Variants in ZNF804B observed in about 807,000 individuals in gnomAD.
The protein encoded by ZNF804B is zinc finger protein 804B.
ZNF804B carries 80 observed loss-of-function variants against 101.4 expected under a neutral mutation model. The observed-to-expected ratio is 0.79, with a 90% confidence interval of 0.66 to 0.95. The LOEUF (loss-of-function observed/expected upper bound fraction) is 0.95. Ranked by LOEUF, ZNF804B falls within the 40% of genes least tolerant of loss-of-function variation. The pLI is 0.00. For synonymous variants in ZNF804B, 622 were observed against 558.8 expected, an observed-to-expected ratio of 1.11 and a Z score of -1.59; for missense variants, 1,673 against 1,561.9, an observed-to-expected ratio of 1.07 and a Z score of -1.20.
chr7:88,794,414 G>T (rs780941076), intron 1 of ZNF804B: 1 of 1,613,692 alleles, frequency 6.2e-7, no homozygotes, highest in East Asian at 2.2e-5. Context: ...TTATGAGTTT[G>T]TGTGAGAAAA....
rs1491540820 is a variant in ZNF804B, at chr7:89,220,002, T to TAC, written c.249+1707_249+1708insAC. Among the ~76,000 whole-genome samples the TAC allele has an allele frequency of 2.4e-3, 67 of 27,580 alleles. 8 individuals are homozygous for TAC. Among genetic ancestry groups the TAC allele is most frequent in the African/African-American group, 6.7e-3 (52 of 7,714 alleles). The allele number at this position is 27,580 out of a possible 152,430, so 18.1% of individuals were successfully genotyped here. On this transcript the variant is annotated intron_variant, in intron 2 of 3. Coordinates refer to ENST00000333190, the MANE Select transcript of ZNF804B (RefSeq NM_181646.5). Reference sequence around the variant, plus strand: ...ATACATATGTGTGCATATATGTATATGCACATATATGTGTGTATACATATA... The same window carrying TAC: ...ATACATATGTGTGCATATATGTATATACGCACATATATGTGTGTATACATATA...
Position 89,189,911 on chromosome 7 carries a change from A to C in ZNF804B, c.109-28244A>C, listed in dbSNP as rs553464728. ...ACATTTCATAAATTTATAATGCCATAGATAGTGATTTCTTTGATGGATCCG... is the reference window on the plus strand; with the variant it reads ...ACATTTCATAAATTTATAATGCCATCGATAGTGATTTCTTTGATGGATCCG... On this transcript the variant is annotated intron_variant, in intron 1 of 3. Coordinates refer to ENST00000333190, the MANE Select transcript of ZNF804B (RefSeq NM_181646.5). Among the ~76,000 whole-genome samples the C allele has an allele frequency of 5.3e-5, 8 of 152,280 alleles. No homozygotes were observed. The East Asian group carries it at 1.4e-3, about 26-fold the overall frequency.
At chr7:88,890,488 A>C (rs1314404554) in intron 1 of ZNF804B, among the ~76,000 whole-genome samples, 2 of 152,132 alleles carry the variant, frequency 1.3e-5, no homozygotes, top group Non-Finnish European at 2.9e-5. Flanking sequence ...TTGCCTTCTC[A>C]CTATCCATGA....
At chr7:89,218,402 A>G in intron 2 of ZNF804B, 107 bp downstream of exon 2, 1 of 1,305,234 alleles carries the variant, frequency 7.7e-7, no homozygotes. Context: ...TGAGGTAAGA[A>G]CATTTTATGT....
chr7:89,189,029 TA>T (rs1788416116), intron 1 of ZNF804B, among the ~76,000 whole-genome samples: 1 of 152,130 alleles, frequency 6.6e-6, no homozygotes. Flanking sequence ...GAAGATACCA[TA>T]TACAACTTTC....
chr7:89,072,361 C>A (rs953624407), intron 1 of ZNF804B, among the ~76,000 whole-genome samples: 13 of 152,140 alleles, frequency 8.5e-5, no homozygotes, highest in African/African-American at 3.1e-4. Flanking sequence ...TTATTTTCCT[C>A]TTTTGGTTTC....
At chr7:89,251,616 C>A (rs1356647641) in intron 2 of ZNF804B, among the ~76,000 whole-genome samples, 4 of 151,994 alleles carry the variant, frequency 2.6e-5, no homozygotes, top group South Asian at 2.1e-4. Flanking sequence ...TCATATGGAA[C>A]CATAAAAAGC....
chr7:89,196,311 C>T (rs543291131), intron 1 of ZNF804B, among the ~76,000 whole-genome samples: 3 of 152,084 alleles, frequency 2.0e-5, no homozygotes, highest in East Asian at 3.9e-4. Flanking sequence ...ATAGAGAATT[C>T]GGAAATAAGA....
intron 1 of ZNF804B, among the ~76,000 whole-genome samples, chr7:88,804,322 G>T (rs1391276312): frequency 6.6e-6 from 1 of 152,066 alleles, no homozygotes; most frequent in Non-Finnish European, 1.5e-5. Context: ...AAACTAGCAT[G>T]CTGGGTTTCT....
chr7:89,003,073 G>A (rs1421029457), intron 1 of ZNF804B, among the ~76,000 whole-genome samples: 1 of 151,538 alleles, frequency 6.6e-6, no homozygotes, highest in Admixed American at 6.6e-5. Flanking sequence ...CAGAGGAAAG[G>A]GTTACGGTAA....
chr7:88,934,421 T>G (rs374906940), intron 1 of ZNF804B, among the ~76,000 whole-genome samples: 7 of 151,876 alleles, frequency 4.6e-5, no homozygotes, highest in African/African-American at 1.7e-4. Flanking sequence ...AATGAAAAAC[T>G]TTCTGCACAG....
chr7:89,240,635 A>G (rs566965584), intron 2 of ZNF804B, among the ~76,000 whole-genome samples: 1 of 151,938 alleles, frequency 6.6e-6, no homozygotes, highest in South Asian at 2.1e-4. Context: ...TCTTCATTTT[A>G]TATTTAGTGC....
chr7:89,009,149 G>A (rs996335924), intron 1 of ZNF804B, among the ~76,000 whole-genome samples: 3 of 152,092 alleles, frequency 2.0e-5, no homozygotes, highest in Non-Finnish European at 4.4e-5. Context: ...GAATTCTTCT[G>A]CAATTTTTGA....
At chr7:89,106,545 A>G (rs1216525824) in intron 1 of ZNF804B, among the ~76,000 whole-genome samples, 1 of 152,108 alleles carries the variant, frequency 6.6e-6, no homozygotes, top group African/African-American at 2.4e-5. Context: ...GATCTATTAC[A>G]CTTCTGAATG....
chr7:88,935,960 T>C (rs558826601), intron 1 of ZNF804B, among the ~76,000 whole-genome samples: 1 of 151,612 alleles, frequency 6.6e-6, no homozygotes, highest in African/African-American at 2.4e-5. Flanking sequence ...ATCTTTCTGT[T>C]TTCCGATTTT....
intron 1 of ZNF804B, among the ~76,000 whole-genome samples, chr7:89,199,184 A>G (rs910369432): frequency 1.3e-5 from 2 of 151,864 alleles, no homozygotes; most frequent in South Asian, 4.2e-4. Context: ...AATCCTTTTT[A>G]TTAGGCTTTG....
chr7:89,146,676 C>T (rs1325519156), intron 1 of ZNF804B, among the ~76,000 whole-genome samples: 1 of 151,808 alleles, frequency 6.6e-6, no homozygotes, highest in Non-Finnish European at 1.5e-5. Context: ...TTCTGTGGCT[C>T]AGTCGAATTA....
At chr7:89,031,852 A>G (rs1352506212) in intron 1 of ZNF804B, among the ~76,000 whole-genome samples, 1 of 152,086 alleles carries the variant, frequency 6.6e-6, no homozygotes, top group African/African-American at 2.4e-5. Context: ...GTAATAGGCA[A>G]CCTTTTCAAA....
intron 2 of ZNF804B, among the ~76,000 whole-genome samples, chr7:89,273,060 A>G (rs1285038464): frequency 1.3e-5 from 2 of 152,162 alleles, no homozygotes; most frequent in East Asian, 1.9e-4. Flanking sequence ...TTAAAAGACT[A>G]CTTCTCACAT....
Sources: gnomAD v4.1 joint callset for allele counts (sites outside exome capture counted in the v4.1 genomes callset) on GRCh38, gnomAD v4.1.1 for gene constraint, MANE v1.5 for transcripts, NCBI Gene and HGNC (gene_info 2026-07-23, HGNC 2026-07-21) for gene names.